DDX50: variants seen among roughly 807,000 people sequenced by gnomAD.
DDX50 encodes DExD-box helicase 50, also known as ATP-dependent RNA helicase DDX50.
A neutral mutation model predicts 94.8 loss-of-function variants in DDX50; 56 were observed. The ratio of observed to expected loss-of-function variants is 0.59; its 90% CI spans 0.48 to 0.74. The LOEUF (loss-of-function observed/expected upper bound fraction) is 0.74, where lower values mean the gene tolerates loss of function less well. Ranked by LOEUF, DDX50 falls within the 30% of genes least tolerant of loss-of-function variation. The probability of loss-of-function intolerance (pLI) is 0.00; values close to 1 mark genes in which losing one functional copy is unlikely to be tolerated. For synonymous variants in DDX50, 264 were observed against 295.4 expected, an observed-to-expected ratio of 0.89 and a Z score of 1.09; for missense variants, 713 against 881.2, an observed-to-expected ratio of 0.81 and a Z score of 2.42.
chr10:68,913,384 C>T lies in DDX50; in HGVS notation c.758-7C>T. On this transcript the variant is annotated splice_polypyrimidine_tract_variant and splice_region_variant and intron_variant, in intron 5 of 14. Coordinates refer to ENST00000373585, the MANE Select transcript of DDX50 (RefSeq NM_024045.2). The stretch of plus-strand genomic sequence containing the variant: ...TACATATTGGTGGCATTTCTCTCTT[C>T]TCACAGTTAATCATATTCGAAATGG... The T allele has an allele frequency of 6.2e-7, 1 of 1,608,522 alleles. No individual in the cohort carries two copies. The highest frequency in any genetic ancestry group is 8.5e-7 in the Non-Finnish European group (1 of 1,177,646).
intron 13 of DDX50, among the ~76,000 whole-genome samples, chr10:68,942,548 G>A (rs1035703883): frequency 3.9e-5 from 6 of 152,072 alleles, no homozygotes; most frequent in African/African-American, 1.4e-4. Context: ...TCAGCTTATT[G>A]ACAACTAAGA....
chr10:68,901,705 C>G (rs561399202), intron 1 of DDX50, among the ~76,000 whole-genome samples: 1 of 152,202 alleles, frequency 6.6e-6, no homozygotes, highest in Admixed American at 6.5e-5. Flanking sequence ...CCCCTCAGCC[C>G]TTCCCGTTGG....
At chr10:68,904,748 C>A (rs1438319426) in intron 1 of DDX50, among the ~76,000 whole-genome samples, 2 of 152,140 alleles carry the variant, frequency 1.3e-5, no homozygotes, top group African/African-American at 4.8e-5. Flanking sequence ...CAATTCAAGC[C>A]CCAAGGCTGA....
At chr10:68,930,503 C>T (rs1051496690) in intron 8 of DDX50, among the ~76,000 whole-genome samples, 12 of 152,212 alleles carry the variant, frequency 7.9e-5, no homozygotes, top group Admixed American at 5.2e-4. Flanking sequence ...ATCATTTCTA[C>T]TCCCTTGAGT....
intron 7 of DDX50, among the ~76,000 whole-genome samples, chr10:68,916,832 C>A (rs536998707): frequency 2.0e-4 from 30 of 152,194 alleles, no homozygotes; most frequent in African/African-American, 5.1e-4. Flanking sequence ...TTACAGGCGC[C>A]CACCACCACA....
rs771045818 is a variant in DDX50 at position 68,920,014 on chromosome 10, A to G, written c.1239+33A>G. 14 of 1,611,324 alleles carry G rather than the reference A, an allele frequency of 8.7e-6. No homozygotes were observed. In the East Asian group the frequency reaches 3.1e-4, roughly 36 times the overall value. On this transcript the variant is annotated intron_variant, in intron 8 of 14. Transcript: ENST00000373585. ...TTTTTTTCATGCTTTCTCTAATTGA[A>G]ATTATGGGGATGAATCACTGAACGA... is the stretch of plus-strand genomic sequence containing the variant.
intron 2 of DDX50, among the ~76,000 whole-genome samples, chr10:68,910,105 T>C (rs1290108218): frequency 6.6e-6 from 1 of 152,040 alleles, no homozygotes; most frequent in Non-Finnish European, 1.5e-5. Context: ...TTGGTAGGAT[T>C]TGAGCCCGGA....
At chr10:68,931,187 A>G (rs745826254) in intron 8 of DDX50, among the ~76,000 whole-genome samples, 11 of 152,002 alleles carry the variant, frequency 7.2e-5, no homozygotes, top group East Asian at 3.9e-4. Flanking sequence ...TATAAAGACT[A>G]TGAGGACAGA....
chr10:68,935,681 C>A (rs1176538683), intron 10 of DDX50, among the ~76,000 whole-genome samples: 1 of 151,710 alleles, frequency 6.6e-6, no homozygotes, highest in East Asian at 1.9e-4. Context: ...CTAAAAATAC[C>A]AAAATTAGCT....
chr10:68,919,831 G>A lies in DDX50; in HGVS notation c.1090-1G>A, dbSNP rs1841895803. On this transcript the variant is annotated splice_acceptor_variant, in intron 7 of 14. Coordinates refer to ENST00000373585, the MANE Select transcript of DDX50 (RefSeq NM_024045.2). LOFTEE classifies it high-confidence loss of function. Reference sequence around the variant, plus strand: ...TAATGTGGTATTTTCTTTCTTCAAAGCATTTGGCCATCCAGTGTCATTGGT... The same window carrying A: ...TAATGTGGTATTTTCTTTCTTCAAAACATTTGGCCATCCAGTGTCATTGGT... The A allele has an allele frequency of 1.9e-6, 3 of 1,611,352 alleles. No individual in the cohort carries two copies. Among genetic ancestry groups the A allele is most frequent in the Non-Finnish European group, 2.5e-6 (3 of 1,179,558 alleles).
At position 68,934,451 on chromosome 10, in the gene DDX50, T is replaced by C; in HGVS notation, c.1401+91T>C. 6.5e-7 allele frequency: 1 copy of C among 1,544,806 alleles called. No individual in the cohort carries two copies. The highest frequency in any genetic ancestry group is 2.0e-5 in the Admixed American group (1 of 50,958). ...CATATTGCTTGGGATGTGAAAAATA[T>C]GTCATCTCTTCTTGCTCTTAGCCAT... On this transcript the variant is annotated intron_variant, in intron 9 of 14. Coordinates refer to ENST00000373585, the MANE Select transcript of DDX50 (RefSeq NM_024045.2). This position sits in a 1 kb window ranked among gnomAD's most constrained non-coding sequence, Gnocchi z 4.0.
At chr10:68,936,182 C>A in intron 11 of DDX50, 103 bp downstream of exon 11, 1 of 844,028 alleles carries the variant, frequency 1.2e-6, no homozygotes, top group Non-Finnish European at 1.8e-6. Context: ...ACCAGTTTTA[C>A]CAGCAGACAT....
At chr10:68,907,419 G>A (rs10740312) in intron 2 of DDX50, among the ~76,000 whole-genome samples, 27,158 of 150,132 alleles carry the variant, frequency 0.18, 3,071 homozygotes, top group East Asian at 0.54. Flanking sequence ...GGGTTGAAGC[G>A]ATTCTCCTGA....
rs757608830 is a variant in DDX50 at position 68,946,473 on chromosome 10, G to A, written c.2057G>A (p.Arg686Gln). 8.5e-5 allele frequency: 137 copies of A among 1,613,910 alleles called. No homozygotes were observed. Among genetic ancestry groups the A allele is most frequent in the Non-Finnish European group, 1.0e-4 (120 of 1,180,008 alleles). ...CAGAGGAGTGGCTGGTCAAGTGGTC[G>A]ATCAGGCCGGTCAGGCCGGTCAGGT... ...SRQRSGWSSG[R>Q]SGRSGRSGGR... The change falls in exon 15 of 15, where the codon CGA becomes CAA. Residue 686 changes from arginine to glutamine, a missense_variant. Around this residue, in one of 2 missense-constraint regions of DDX50, gnomAD observed 428 missense variants for 602.3 expected, o/e 0.71. Coordinates refer to ENST00000373585, the MANE Select transcript of DDX50 (RefSeq NM_024045.2).
intron 2 of DDX50, among the ~76,000 whole-genome samples, chr10:68,908,021 A>C (rs1242646594): frequency 3.9e-5 from 6 of 152,238 alleles, no homozygotes; most frequent in Admixed American, 6.5e-5. Flanking sequence ...TATTGTTGAT[A>C]ATAGGAAAAT....
At chr10:68,927,930 G>A (rs1041631823) in intron 8 of DDX50, among the ~76,000 whole-genome samples, 1 of 152,196 alleles carries the variant, frequency 6.6e-6, no homozygotes, top group African/African-American at 2.4e-5. Context: ...ACTGAGGTGG[G>A]AGGATCTCTT....
At chr10:68,925,669 T>C (rs1842063794) in intron 8 of DDX50, among the ~76,000 whole-genome samples, 2 of 151,962 alleles carry the variant, frequency 1.3e-5, no homozygotes, top group African/African-American at 4.8e-5. Flanking sequence ...AGGTCAGGAG[T>C]TTGAGACCAG....
In DDX50 at chr10:68,934,526, T is replaced by C. The variant is rs1400880352; in HGVS notation, c.1401+166T>C. On this transcript the variant is annotated intron_variant, in intron 9 of 14. Coordinates refer to ENST00000373585, the MANE Select transcript of DDX50 (RefSeq NM_024045.2). This position sits in a 1 kb window ranked among gnomAD's most constrained non-coding sequence, Gnocchi z 4.0. ...TATCAGATTCTGATACTTTTGCAGA[T>C]GATTAACTCTATTGTTTGTATTTGA... 6.6e-6 allele frequency among the ~76,000 whole-genome samples: 1 copy of C among 152,210 alleles called. No homozygotes were observed. Among genetic ancestry groups the C allele is most frequent in the African/African-American group, 2.4e-5 (1 of 41,452 alleles).
chr10:68,946,056 T>C (rs915111940), intron 14 of DDX50, among the ~76,000 whole-genome samples: 1 of 152,008 alleles, frequency 6.6e-6, no homozygotes, highest in African/African-American at 2.4e-5. Context: ...TTTAGAATGT[T>C]AGAATTTATT....
Sources: gnomAD v4.1 joint callset for allele counts (sites outside exome capture counted in the v4.1 genomes callset) on GRCh38, gnomAD v4.1.1 for gene constraint, gnomAD v4.1.1 regional missense constraint, Gnocchi (gnomAD v3.1) non-coding constraint, MANE v1.5 for transcripts, NCBI Gene and HGNC (gene_info 2026-07-23, HGNC 2026-07-21) for gene names.